The following LRRC69 variants were observed in gnomAD, a reference collection of about 807,000 sequenced individuals.
LRRC69 encodes the protein leucine-rich repeat-containing protein 69.
A neutral mutation model predicts 37.8 loss-of-function variants in LRRC69; 42 were observed. The observed-to-expected ratio is 1.11, with a 90% confidence interval of 0.87 to 1.44. The LOEUF is 1.44. Ranked by LOEUF, LRRC69 falls within the 40% of genes most tolerant of loss-of-function variation. The pLI, the probability that LRRC69 is intolerant of heterozygous loss-of-function variation, is 0.00. For synonymous variants in LRRC69, 141 were observed against 143.1 expected (o/e 0.99, Z 0.11); for missense variants, 357 against 401.9 (o/e 0.89, Z 0.96).
intron 5 of LRRC69, among the ~76,000 whole-genome samples, chr8:91,153,227 G>C (rs1289482744): frequency 6.6e-6 from 1 of 151,376 alleles, no homozygotes; most frequent in Admixed American, 6.6e-5. Context: ...CAAGTTCTTA[G>C]AGAACTACAA....
At chr8:91,126,327 C>T (rs974568602) in intron 2 of LRRC69, among the ~76,000 whole-genome samples, 5 of 152,030 alleles carry the variant, frequency 3.3e-5, no homozygotes, top group Non-Finnish European at 5.9e-5. Flanking sequence ...GCAGAGATTG[C>T]AAACTGGTGG....
intron 3 of LRRC69, among the ~76,000 whole-genome samples, chr8:91,131,813 A>G (rs746576161): frequency 2.6e-5 from 4 of 151,614 alleles, no homozygotes; most frequent in Non-Finnish European, 4.4e-5. Flanking sequence ...TAATTTTGAA[A>G]TTTTCTTTTC....
chr8:91,107,222 C>T (rs1813332218), intron 1 of LRRC69, among the ~76,000 whole-genome samples: 1 of 151,764 alleles, frequency 6.6e-6, no homozygotes, highest in South Asian at 2.1e-4. Context: ...GCAACCTCCG[C>T]CTCCCAGGTT....
chr8:91,150,953 G>T (rs866145148), intron 5 of LRRC69, among the ~76,000 whole-genome samples: 16 of 151,750 alleles, frequency 1.1e-4, no homozygotes, highest in African/African-American at 3.9e-4. Context: ...ATTTTTTATT[G>T]TGTCTGTTTC....
At chr8:91,146,426 T>C (rs1358218886) in intron 5 of LRRC69, among the ~76,000 whole-genome samples, 1 of 151,832 alleles carries the variant, frequency 6.6e-6, no homozygotes, top group Non-Finnish European at 1.5e-5. Flanking sequence ...GCCAATATTT[T>C]TGAGAAAGTA....
At chr8:91,151,789 CAGCCTTGCCA>C (rs1490891064) in intron 5 of LRRC69, among the ~76,000 whole-genome samples, 6 of 151,698 alleles carry the variant, frequency 4.0e-5, no homozygotes, top group Non-Finnish European at 8.8e-5. Flanking sequence ...TATTTCTCTG[CAGCCTTGCCA>C]GGATCTGTTG....
intron 4 of LRRC69, among the ~76,000 whole-genome samples, 182 bp from the exon 5 acceptor site, chr8:91,135,486 A>G (rs1176284642): frequency 6.6e-6 from 1 of 152,024 alleles, no homozygotes; most frequent in East Asian, 1.9e-4. Flanking sequence ...TGAAGAATTC[A>G]AAGAGCTGGC....
At chr8:91,185,106 AG>A (rs1359634126) in intron 5 of LRRC69, among the ~76,000 whole-genome samples, 4 of 152,190 alleles carry the variant, frequency 2.6e-5, no homozygotes, top group Non-Finnish European at 5.9e-5. Flanking sequence ...AGGTAGTTCA[AG>A]GGCAGAAATG....
intron 6 of LRRC69, among the ~76,000 whole-genome samples, chr8:91,197,155 G>C (rs2130622754): frequency 6.6e-6 from 1 of 152,240 alleles, no homozygotes; most frequent in East Asian, 1.9e-4. Flanking sequence ...AGGCTACTCG[G>C]GGGTCAGGGG....
chr8:91,146,666 G>A (rs1808624910), intron 5 of LRRC69, among the ~76,000 whole-genome samples: 1 of 151,874 alleles, frequency 6.6e-6, no homozygotes, highest in South Asian at 2.1e-4. Flanking sequence ...GAAAGGATGG[G>A]TAGATGGATA....
At chr8:91,185,750 G>C (rs1178023354) in intron 5 of LRRC69, among the ~76,000 whole-genome samples, 1 of 151,462 alleles carries the variant, frequency 6.6e-6, no homozygotes, top group Non-Finnish European at 1.5e-5. Flanking sequence ...CCCCACACTT[G>C]AATCTTTTCC....
intron 5 of LRRC69, among the ~76,000 whole-genome samples, chr8:91,180,772 A>G (rs962586064): frequency 6.6e-5 from 10 of 151,672 alleles, no homozygotes; most frequent in African/African-American, 1.9e-4. Flanking sequence ...AGGGTCTGGC[A>G]TAGGGCAAAG....
At chr8:91,113,577 A>C (rs1284993654) in intron 1 of LRRC69, among the ~76,000 whole-genome samples, 1 of 152,020 alleles carries the variant, frequency 6.6e-6, no homozygotes, top group African/African-American at 2.4e-5. Flanking sequence ...TGGATTAAAG[A>C]CTTTAATGTA....
intron 7 of LRRC69, among the ~76,000 whole-genome samples, chr8:91,214,835 A>T (rs1810010025): frequency 6.6e-6 from 1 of 150,986 alleles, no homozygotes; most frequent in Non-Finnish European, 1.5e-5. Flanking sequence ...AGTCAAGTAG[A>T]TCAGAAATTC....
chr8:91,105,366 C>T (rs190135180), intron 1 of LRRC69, among the ~76,000 whole-genome samples: 1 of 151,858 alleles, frequency 6.6e-6, no homozygotes, highest in East Asian at 1.9e-4. Context: ...AGATATACAG[C>T]TCCATCCGTC....
intron 5 of LRRC69, among the ~76,000 whole-genome samples, chr8:91,168,561 G>C (rs1161955978): frequency 6.6e-6 from 1 of 151,854 alleles, no homozygotes; most frequent in Non-Finnish European, 1.5e-5. Context: ...TTGAGAATTA[G>C]CAGCCATTTG....
intron 1 of LRRC69, among the ~76,000 whole-genome samples, chr8:91,112,075 A>G (rs982262620): frequency 2.0e-5 from 3 of 152,016 alleles, no homozygotes; most frequent in Non-Finnish European, 4.4e-5. Context: ...TATTGTTAGT[A>G]TTTAATGAAA....
At position 91,184,544 on chromosome 8, in the gene LRRC69, CTCTT is replaced by C. The variant is rs545410920; in HGVS notation, c.652-4975_652-4972del. On this transcript the variant is annotated intron_variant, in intron 5 of 7. Transcript: ENST00000448384. ...ATCCTTCAAATTCTTCTTTCTTACT[CTCTT>C]TCAGCTGCTGTGTCATGAGTAATTT... 8.6e-4 allele frequency among the ~76,000 whole-genome samples: 131 copies of C among 152,282 alleles called. 1 individual carries two copies. The highest frequency in any genetic ancestry group is 2.0e-3 in the Admixed American group (31 of 15,294).
chr8:91,153,319 A>G (rs1453577613), intron 5 of LRRC69, among the ~76,000 whole-genome samples: 2 of 151,424 alleles, frequency 1.3e-5, no homozygotes, highest in South Asian at 2.1e-4. Flanking sequence ...CAGAAAATTA[A>G]CAAGGATATT....
Sources: gnomAD v4.1 joint callset for allele counts (sites outside exome capture counted in the v4.1 genomes callset) on GRCh38, gnomAD v4.1.1 for gene constraint, MANE v1.5 for transcripts, NCBI Gene and HGNC (gene_info 2026-07-23, HGNC 2026-07-21) for gene names.